The following KIAA1217 variants were observed in gnomAD, a reference collection of about 807,000 sequenced individuals.
KIAA1217 encodes the protein KIAA1217.
KIAA1217 carries 88 observed loss-of-function variants against 163.9 expected under a neutral mutation model. The observed-to-expected ratio is 0.54, with a 90% confidence interval of 0.45 to 0.64. The LOEUF (loss-of-function observed/expected upper bound fraction) is 0.64. Among genes scored for constraint, KIAA1217 ranks in the 30% least tolerant of loss-of-function variants. KIAA1217 has a pLI of 0.00. For synonymous variants in KIAA1217, 903 were observed against 923.1 expected, an observed-to-expected ratio of 0.98 and a Z score of 0.39; for missense variants, 2,372 against 2,475.0, an observed-to-expected ratio of 0.96 and a Z score of 0.88.
intron 1 of KIAA1217, among the ~76,000 whole-genome samples, chr10:23,938,298 C>T (rs976852531): frequency 2.6e-5 from 4 of 151,958 alleles, no homozygotes; most frequent in Non-Finnish European, 5.9e-5. Context: ...GAAAAACAAT[C>T]AGCTCTAGAA....
chr10:24,360,332 C>T (rs950030812), intron 2 of KIAA1217, among the ~76,000 whole-genome samples: 4 of 151,974 alleles, frequency 2.6e-5, no homozygotes, highest in East Asian at 1.9e-4. Flanking sequence ...CTGTCACGCC[C>T]GGCCAAGATA....
At chr10:24,482,252 C>T (rs1592281297) in intron 6 of KIAA1217, 3 of 152,336 alleles carry the variant, frequency 2.0e-5, no homozygotes, top group Admixed American at 2.0e-4. Context: ...CTAATTAGAT[C>T]AAATTAAAAT....
intron 2 of KIAA1217, among the ~76,000 whole-genome samples, chr10:24,350,734 A>G (rs907252954): frequency 2.2e-4 from 33 of 151,978 alleles, no homozygotes; most frequent in African/African-American, 6.8e-4. Flanking sequence ...GTCTCGAGAG[A>G]AACTTCATAA....
intron 2 of KIAA1217, among the ~76,000 whole-genome samples, chr10:24,062,826 C>G (rs1051919052): frequency 5.3e-5 from 8 of 152,136 alleles, no homozygotes; most frequent in African/African-American, 1.9e-4. Context: ...TTAATGATCA[C>G]CATTCTAATT....
intron 2 of KIAA1217, among the ~76,000 whole-genome samples, chr10:24,369,179 A>ATGTGTGTGTGTGTG (rs59687010): frequency 0.022 from 3,006 of 139,550 alleles, 49 homozygotes; most frequent in Non-Finnish European, 0.027. Flanking sequence ...AACTTTCACT[A>ATGTGTGTGTGTGTG]TGTGTGTGTG....
At chr10:24,333,537 G>C (rs1325313833) in intron 2 of KIAA1217, among the ~76,000 whole-genome samples, 1 of 152,174 alleles carries the variant, frequency 6.6e-6, no homozygotes, top group African/African-American at 2.4e-5. Flanking sequence ...CTCAGGTAGT[G>C]AGCTAAAAGC....
chr10:24,123,164 T>C (rs1481149933), intron 2 of KIAA1217, among the ~76,000 whole-genome samples: 1 of 118,688 alleles, frequency 8.4e-6, no homozygotes. Flanking sequence ...GTGTGTGTGA[T>C]AACAGGCATA....
At chr10:24,037,529 A>G (rs2131549824) in intron 2 of KIAA1217, among the ~76,000 whole-genome samples, 1 of 152,190 alleles carries the variant, frequency 6.6e-6, no homozygotes, top group East Asian at 1.9e-4. Flanking sequence ...ATAGCCCACG[A>G]ATTCAAAGTA....
At position 23,818,303 on chromosome 10, in the gene KIAA1217, T is replaced by TTA. The variant is rs893978014; in HGVS notation, c.-321+123080_-321+123081dup. Among the ~76,000 whole-genome samples, 71 of 138,544 alleles carry TTA rather than the reference T, an allele frequency of 5.1e-4. 1 individual carries two copies. Among genetic ancestry groups the TTA allele is most frequent in the South Asian group, 8.7e-4 (4 of 4,596 alleles). The allele number at this position is 138,544 out of a possible 152,430, so 90.9% of individuals were successfully genotyped here. A position where few individuals can be genotyped will look rare whatever the true frequency, so the allele number is the denominator to read the frequency against. The stretch of plus-strand genomic sequence containing the variant: ...TATATATTTATATGTTATATATAAA[T>TTA]TATATATATATAACACTATATATAT... On this transcript the variant is annotated intron_variant, in intron 1 of 18. Transcript: ENST00000376462.
intron 2 of KIAA1217, among the ~76,000 whole-genome samples, chr10:24,124,640 GA>G (rs2063402431): frequency 6.6e-6 from 1 of 152,034 alleles, no homozygotes; most frequent in Non-Finnish European, 1.5e-5. Flanking sequence ...TTCTTATCAA[GA>G]AAGTGTTTTT....
intron 1 of KIAA1217, among the ~76,000 whole-genome samples, chr10:23,944,034 A>G (rs1469983574): frequency 6.6e-6 from 1 of 152,232 alleles, no homozygotes; most frequent in Non-Finnish European, 1.5e-5. Flanking sequence ...TTTCTTTAAG[A>G]AAAGATACCA....
At chr10:24,401,911 G>A (rs1325451966) in intron 3 of KIAA1217, among the ~76,000 whole-genome samples, 4 of 152,100 alleles carry the variant, frequency 2.6e-5, no homozygotes, top group African/African-American at 9.7e-5. Flanking sequence ...CTAAGAATGA[G>A]CAAATGGAAG....
At chr10:23,924,705 T>G (rs1405763252) in intron 1 of KIAA1217, among the ~76,000 whole-genome samples, 1 of 152,142 alleles carries the variant, frequency 6.6e-6, no homozygotes, top group Non-Finnish European at 1.5e-5. Context: ...TTAAAAAGTT[T>G]GCAAATAATC....
At chr10:24,116,566 A>T (rs1012373581) in intron 2 of KIAA1217, among the ~76,000 whole-genome samples, 10 of 152,180 alleles carry the variant, frequency 6.6e-5, no homozygotes, top group African/African-American at 2.4e-4. Context: ...ATTTACAAAT[A>T]TAGGCAATGG....
At chr10:24,465,548 G>T (rs530408732) in intron 5 of KIAA1217, among the ~76,000 whole-genome samples, 1 of 152,356 alleles carries the variant, frequency 6.6e-6, no homozygotes, top group East Asian at 1.9e-4. Flanking sequence ...CCAGCCCAGT[G>T]AGTGGAGTTC....
intron 1 of KIAA1217, among the ~76,000 whole-genome samples, chr10:23,966,796 A>T (rs1845084467): frequency 6.6e-6 from 1 of 152,324 alleles, no homozygotes; most frequent in Non-Finnish European, 1.5e-5. Flanking sequence ...GGAACTATGA[A>T]GGGACTATGT....
chr10:23,843,408 T>G (rs1026698258), intron 1 of KIAA1217, among the ~76,000 whole-genome samples: 1 of 152,196 alleles, frequency 6.6e-6, no homozygotes, highest in African/African-American at 2.4e-5. Context: ...TAAAATAATC[T>G]CAACAGAGAT....
intron 2 of KIAA1217, among the ~76,000 whole-genome samples, chr10:24,333,574 C>T (rs1255232435): frequency 6.6e-6 from 1 of 152,106 alleles, no homozygotes; most frequent in Admixed American, 6.5e-5. Context: ...CTTTCTTAGC[C>T]CTGTAAGTTG....
rs1420015123 is a variant in KIAA1217, at chr10:24,520,123, C to T, written c.2178C>T (p.Cys726=). ...TGTGCTGGTGTCCTTGCTCCCGCAGCGAGTTGGAAGACTTTGTTGAAGACT... is the reference window on the plus strand; with the variant it reads ...TGTGCTGGTGTCCTTGCTCCCGCAGTGAGTTGGAAGACTTTGTTGAAGACT... ...HEEEKIVKKL[C]ELEDFVEDLK... The change falls in exon 11 of 21, where the codon TGC becomes TGT. Residue 726 remains cysteine (C), a splice_region_variant and synonymous_variant. Transcript: ENST00000376454. 9.3e-6 allele frequency: 15 copies of T among 1,613,538 alleles called. No individual in the cohort carries two copies. The highest frequency in any genetic ancestry group is 1.3e-5 in the African/African-American group (1 of 75,028).
Sources: gnomAD v4.1 joint callset for allele counts (sites outside exome capture counted in the v4.1 genomes callset) on GRCh38, gnomAD v4.1.1 for gene constraint, MANE v1.5 for transcripts, NCBI Gene and HGNC (gene_info 2026-07-23, HGNC 2026-07-21) for gene names.